Variants in NUBPL observed in about 807,000 individuals in gnomAD.
The protein encoded by NUBPL is NUBP iron-sulfur cluster assembly factor, mitochondrial.
In NUBPL, 31 loss-of-function variants were observed where a neutral mutation model predicts 45.7. The ratio of observed to expected loss-of-function variants is 0.68; its 90% CI spans 0.51 to 0.92. The LOEUF (loss-of-function observed/expected upper bound fraction) is 0.92, where lower values mean the gene tolerates loss of function less well. Among genes scored for constraint, NUBPL ranks in the 40% least tolerant of loss-of-function variants. NUBPL has a pLI of 0.00. For synonymous variants in NUBPL, 144 were observed against 140.9 expected (o/e 1.02, Z -0.15); for missense variants, 401 against 398.7 (o/e 1.01, Z -0.05).
chr14:31,697,340 G>T (rs2037235813), intron 6 of NUBPL, among the ~76,000 whole-genome samples: 1 of 152,186 alleles, frequency 6.6e-6, no homozygotes, highest in South Asian at 2.1e-4. Context: ...GATCAAAGGG[G>T]AATGAAAGAT....
At chr14:31,602,148 C>G (rs1393357872) in intron 4 of NUBPL, among the ~76,000 whole-genome samples, 2 of 151,842 alleles carry the variant, frequency 1.3e-5, no homozygotes, top group Admixed American at 6.6e-5. Context: ...GACAAAAAAC[C>G]AAACACTGCA....
At chr14:31,830,163 G>T (rs181113025) in intron 8 of NUBPL, among the ~76,000 whole-genome samples, 1 of 152,064 alleles carries the variant, frequency 6.6e-6, no homozygotes, top group Non-Finnish European at 1.5e-5. Flanking sequence ...TACTCCTTCG[G>T]CACATAAGGG....
intron 4 of NUBPL, among the ~76,000 whole-genome samples, chr14:31,629,956 G>C (rs1163102539): frequency 6.6e-6 from 1 of 152,114 alleles, no homozygotes; most frequent in Non-Finnish European, 1.5e-5. Flanking sequence ...TTGGGCTTTG[G>C]AGTCAGAGTG....
chr14:31,826,587 A>G (rs200155874), intron 7 of NUBPL, 42 bp from the exon 8 acceptor site: 2 of 1,542,124 alleles, frequency 1.3e-6, no homozygotes, highest in Non-Finnish European at 1.8e-6. Flanking sequence ...ATTTCTCCAT[A>G]GAGAATTAAA....
At position 31,609,965 on chromosome 14, in the gene NUBPL, G is replaced by C. The variant is rs779817809; in HGVS notation, c.382+10586G>C. Among the ~76,000 whole-genome samples, 3 of 151,980 alleles carry C rather than the reference G, an allele frequency of 2.0e-5. No homozygotes were observed. The East Asian group carries it at 5.8e-4, about 29-fold the overall frequency. On this transcript the variant is annotated intron_variant, in intron 4 of 10. Transcript: ENST00000281081. The stretch of plus-strand genomic sequence containing the variant: ...TAGCTATAAGTGCCTATATCAAAAA[G>C]AGGTAAAATTTTCAATAAACAATTT...
chr14:31,640,156 G>C (rs144768583), intron 4 of NUBPL, among the ~76,000 whole-genome samples: 8 of 152,304 alleles, frequency 5.3e-5, no homozygotes, highest in Non-Finnish European at 1.0e-4. Context: ...TGGAAATGCA[G>C]AAATCACCTG....
chr14:31,632,754 T>C (rs1359553083), intron 4 of NUBPL, among the ~76,000 whole-genome samples: 2 of 152,302 alleles, frequency 1.3e-5, no homozygotes, highest in African/African-American at 2.4e-5. Context: ...GCTGGTGATA[T>C]TAAAAATTAA....
intron 6 of NUBPL, among the ~76,000 whole-genome samples, chr14:31,786,822 A>G (rs1167437520): frequency 2.6e-5 from 4 of 152,234 alleles, no homozygotes; most frequent in African/African-American, 9.6e-5. Flanking sequence ...CTGGAGCTTA[A>G]GCTTAGATAT....
At chr14:31,631,459 G>A (rs2035340276) in intron 4 of NUBPL, among the ~76,000 whole-genome samples, 1 of 150,644 alleles carries the variant, frequency 6.6e-6, no homozygotes, top group Non-Finnish European at 1.5e-5. Flanking sequence ...CAGGGAAATA[G>A]AACCAATAAT....
chr14:31,707,887 C>A (rs2037489539), intron 6 of NUBPL, among the ~76,000 whole-genome samples: 1 of 152,136 alleles, frequency 6.6e-6, no homozygotes, highest in African/African-American at 2.4e-5. Context: ...AGATCTTGGG[C>A]CAGTGCCTGA....
At chr14:31,768,302 T>C (rs2038949079) in intron 6 of NUBPL, among the ~76,000 whole-genome samples, 1 of 152,250 alleles carries the variant, frequency 6.6e-6, no homozygotes, top group Non-Finnish European at 1.5e-5. Flanking sequence ...ATAAACACTT[T>C]ATCCAGGATA....
At chr14:31,784,175 CAAAG>C (rs529647838) in intron 6 of NUBPL, among the ~76,000 whole-genome samples, 27 of 152,214 alleles carry the variant, frequency 1.8e-4, no homozygotes, top group African/African-American at 6.0e-4. Flanking sequence ...AGGAAGAAAA[CAAAG>C]AAATTTAACA....
chr14:31,776,653 A>C (rs778293237), intron 6 of NUBPL, among the ~76,000 whole-genome samples: 2 of 152,170 alleles, frequency 1.3e-5, no homozygotes, highest in African/African-American at 2.4e-5. Context: ...AGGTTATGTG[A>C]CCTTCAAACT....
chr14:31,613,256 C>T (rs978559222), intron 4 of NUBPL, among the ~76,000 whole-genome samples: 1 of 152,066 alleles, frequency 6.6e-6, no homozygotes. Flanking sequence ...CAATTGAACT[C>T]ATGGACAGAG....
chr14:31,793,294 C>G (rs545075117), intron 7 of NUBPL, among the ~76,000 whole-genome samples: 2 of 152,266 alleles, frequency 1.3e-5, no homozygotes, highest in East Asian at 3.9e-4. Context: ...TTGATCCTCA[C>G]TTAGAATGCC....
chr14:31,650,895 G>A (rs1353457102), intron 4 of NUBPL, among the ~76,000 whole-genome samples: 1 of 152,094 alleles, frequency 6.6e-6, no homozygotes, highest in Non-Finnish European at 1.5e-5. Flanking sequence ...CGTGAGGGTG[G>A]AATCAAGGAG....
At position 31,859,117 on chromosome 14, in the gene NUBPL, G is replaced by A. The variant is rs1595717672; in HGVS notation, c.898-1G>A. On this transcript the variant is annotated splice_acceptor_variant, in intron 10 of 10. Coordinates refer to ENST00000281081, the MANE Select transcript of NUBPL (RefSeq NM_025152.3). LOFTEE classifies it high-confidence loss of function. ...GAACAAATAAGTTTGTTCTTTTCCA[G>A]GCCAAAGCTTACTTGAGGATTGCTG... 6.2e-7 allele frequency: 1 copy of A among 1,613,518 alleles called. No homozygotes were observed. Among genetic ancestry groups the A allele is most frequent in the Non-Finnish European group, 8.5e-7 (1 of 1,179,630 alleles).
At chr14:31,573,701 C>T (rs1478703809) in intron 3 of NUBPL, among the ~76,000 whole-genome samples, 3 of 152,154 alleles carry the variant, frequency 2.0e-5, no homozygotes, top group Non-Finnish European at 4.4e-5. Flanking sequence ...TTATTTGGAT[C>T]CATATTGTGG....
intron 10 of NUBPL, among the ~76,000 whole-genome samples, chr14:31,854,704 A>T (rs1036922338): frequency 5.9e-5 from 9 of 152,184 alleles, no homozygotes; most frequent in Non-Finnish European, 8.8e-5. Flanking sequence ...CACAGCTGGT[A>T]AGTAATAAAG....
Sources: gnomAD v4.1 joint callset for allele counts (sites outside exome capture counted in the v4.1 genomes callset) on GRCh38, gnomAD v4.1.1 for gene constraint, MANE v1.5 for transcripts, NCBI Gene and HGNC (gene_info 2026-07-23, HGNC 2026-07-21) for gene names.